Variants in RRM2B observed in about 807,000 individuals in gnomAD.
RRM2B encodes the protein ribonucleoside-diphosphate reductase subunit M2 B.
A neutral mutation model predicts 45.9 loss-of-function variants in RRM2B; 20 were observed. The observed-to-expected ratio is 0.44, with a 90% CI of 0.31 to 0.63. The LOEUF is 0.63. RRM2B is among the 30% of genes least tolerant of loss of function. The pLI, the probability that RRM2B is intolerant of heterozygous loss-of-function variation, is 0.09. For synonymous variants in RRM2B, 124 were observed against 132.3 expected (o/e 0.94, Z 0.43); for missense variants, 320 against 414.7 (o/e 0.77, Z 1.98).
At chr8:102,208,325 T>C (rs1388226561) in intron 8 of RRM2B, 40 bp from the exon 9 acceptor site, 1 of 1,379,838 alleles carries the variant, frequency 7.2e-7, no homozygotes, top group Non-Finnish European at 1.0e-6. Context: ...TCTGAAGAGA[T>C]CAAATTACAT....
At position 102,208,075 on chromosome 8, in the gene RRM2B, GA is replaced by G; in HGVS notation, c.*57del. ...TACTTAAAATTTTTTTTAAGCAGAG[GA>G]AAATAGACTACTATTTACCAATGAC... On this transcript the variant is annotated 3_prime_UTR_variant, in exon 9 of 9. Transcript: ENST00000251810. The G allele has an allele frequency of 2.0e-6, 3 of 1,484,764 alleles. No homozygotes were observed. Among genetic ancestry groups the G allele is most frequent in the African/African-American group, 1.4e-5 (1 of 71,376 alleles). The allele number at this position is 1,484,764 out of a possible 1,614,324, so 92.0% of individuals were successfully genotyped here. A position where few individuals can be genotyped will look rare whatever the true frequency, so the allele number is the denominator to read the frequency against.
chr8:102,215,160 T>C (rs1381035595), intron 6 of RRM2B, among the ~76,000 whole-genome samples: 4 of 148,026 alleles, frequency 2.7e-5, no homozygotes, highest in Admixed American at 6.8e-5. Flanking sequence ...ATGTCTGTAA[T>C]ACAGCACTTT....
In RRM2B at chr8:102,214,057, C is replaced by A. The variant is rs1810682433; in HGVS notation, c.786G>T (p.Glu262Asp). Reference sequence around the variant, plus strand: ...TTACACAAACTTCCCGGTTTACCTGCTCAATTTTGACAGCATCAACAATGA... The same window carrying A: ...TTACACAAACTTCCCGGTTTACCTGATCAATTTTGACAGCATCAACAATGA... ...REIIVDAVKI[E>D]QEFLTEALPV... is the part of the protein sequence containing the mutation. The change falls in exon 7 of 9, where the codon GAG (glutamate) becomes GAT (aspartate). Residue 262 changes from glutamate to aspartate, a missense_variant. Coordinates refer to ENST00000251810, the MANE Select transcript of RRM2B (RefSeq NM_015713.5). The A allele has an allele frequency of 5.0e-6, 8 of 1,606,732 alleles. No homozygotes were observed. Among genetic ancestry groups the A allele is most frequent in the Non-Finnish European group, 5.1e-6 (6 of 1,173,522 alleles).
In RRM2B at chr8:102,207,224, T is replaced by C. The variant is rs1587164844; in HGVS notation, c.*909A>G. On this transcript the variant is annotated 3_prime_UTR_variant, in exon 9 of 9. Transcript: ENST00000251810. ...CTAAAGAAGAATGAAGTGTTCAGCA[T>C]TTCCCAAACTCATCTGACCACAGAA... 6.6e-6 allele frequency: 1 copy of C among 152,234 alleles called. No individual in the cohort carries two copies. The highest frequency in any genetic ancestry group is 1.5e-5 in the Non-Finnish European group (1 of 68,044). The allele number at this position is 152,234 out of a possible 1,614,324, so 9.4% of individuals were successfully genotyped here.
At position 102,238,901 on chromosome 8, in the gene RRM2B, C is replaced by A. The variant is rs1811181688; in HGVS notation, c.-27G>T. On this transcript the variant is annotated 5_prime_UTR_variant, in exon 1 of 9. Transcript: ENST00000251810. Reference sequence around the variant, plus strand: ...GCGCAGACTCCGCCGAAGCTACGGGCGCTGAGGGAACTGAGCTCCTCAGGC... The same window carrying A: ...GCGCAGACTCCGCCGAAGCTACGGGAGCTGAGGGAACTGAGCTCCTCAGGC... 3 of 1,607,406 alleles carry A rather than the reference C, an allele frequency of 1.9e-6. No homozygotes were observed. The highest frequency in any genetic ancestry group is 1.1e-5 in the South Asian group (1 of 91,032).
intron 1 of RRM2B, chr8:102,238,471 C>G (rs1441677863): frequency 8.2e-7 from 1 of 1,215,810 alleles, no homozygotes; most frequent in Non-Finnish European, 1.1e-6. Context: ...AGTCCTCTTT[C>G]CTTGCCTCGG....
intron 8 of RRM2B, among the ~76,000 whole-genome samples, chr8:102,211,769 T>C (rs901246176): frequency 6.6e-6 from 1 of 152,200 alleles, no homozygotes. Context: ...CATTAATTAG[T>C]AAACACAGAG....
chr8:102,223,652 C>T (rs911526611), intron 5 of RRM2B, among the ~76,000 whole-genome samples: 1 of 146,496 alleles, frequency 6.8e-6, no homozygotes, highest in Non-Finnish European at 1.5e-5. Context: ...GCCAGGATCA[C>T]GCCACCACAC....
Position 102,207,957 on chromosome 8 carries a change from CTTG to C in RRM2B, c.*173_*175del. The C allele has an allele frequency of 2.1e-5, 12 of 576,882 alleles. No individual in the cohort carries two copies. In the South Asian group the frequency reaches 2.5e-4, roughly 12 times the overall value. 35.7% of individuals were successfully genotyped at this position (576,882 alleles called of 1,614,324 possible). A position where few individuals can be genotyped will look rare whatever the true frequency, so the allele number is the denominator to read the frequency against. Reference sequence around the variant, plus strand: ...AAGACAAAAGCATTTAGGTCACACTCTTGTTGTTAAACAGGAAAATTATATAAA... The same window carrying C: ...AAGACAAAAGCATTTAGGTCACACTCTTGTTAAACAGGAAAATTATATAAA... On this transcript the variant is annotated 3_prime_UTR_variant, in exon 9 of 9. Coordinates refer to ENST00000251810, the MANE Select transcript of RRM2B (RefSeq NM_015713.5).
At chr8:102,231,289 T>G (rs1485519320) in intron 2 of RRM2B, among the ~76,000 whole-genome samples, 1 of 152,196 alleles carries the variant, frequency 6.6e-6, no homozygotes, top group African/African-American at 2.4e-5. Context: ...GCTGATCTAT[T>G]AGTGGCAACT....
rs993731268 is a variant in RRM2B at position 102,205,703 on chromosome 8, CTT to C, written c.*2428_*2429del. The stretch of plus-strand genomic sequence containing the variant: ...AAGAGAAAACAGTTGTAAACACACT[CTT>C]AATTTTTTTCTTTATCTGCAAGATA... On this transcript the variant is annotated 3_prime_UTR_variant, in exon 9 of 9. Coordinates refer to ENST00000251810, the MANE Select transcript of RRM2B (RefSeq NM_015713.5). 6.6e-5 allele frequency: 10 copies of C among 152,236 alleles called. No individual in the cohort carries two copies. Among genetic ancestry groups the C allele is most frequent in the East Asian group, 5.8e-4 (3 of 5,192 alleles). 9.4% of individuals were successfully genotyped at this position (152,236 alleles called of 1,614,324 possible). A position where few individuals can be genotyped will look rare whatever the true frequency, so the allele number is the denominator to read the frequency against.
rs746455892 is a variant in RRM2B at position 102,218,937 on chromosome 8, C to G, written c.561G>C (p.Val187=). The G allele has an allele frequency of 1.2e-6, 2 of 1,613,370 alleles. No homozygotes were observed. The highest frequency in any genetic ancestry group is 2.2e-5 in the South Asian group (2 of 91,072). The change falls in exon 6 of 9, where the codon GTG becomes GTC. Residue 187 remains valine (V), a synonymous_variant. Transcript: ENST00000251810. ...CTCCTTCTACAGCAGCAAAGGCCAC[C>G]ACTCTTTCCCCTGGGAGACATAAAA... is the stretch of plus-strand genomic sequence containing the variant. The part of the protein sequence containing the change: ...ADRKSTFGER[V]VAFAAVEGVF...
rs931027732 is a variant in RRM2B at position 102,205,152 on chromosome 8, G to C, written c.*2981C>G. 2.6e-5 allele frequency: 4 copies of C among 152,100 alleles called. No individual in the cohort carries two copies. Among genetic ancestry groups the C allele is most frequent in the African/African-American group, 9.7e-5 (4 of 41,440 alleles). 9.4% of individuals were successfully genotyped at this position (152,100 alleles called of 1,614,324 possible). The stretch of plus-strand genomic sequence containing the variant: ...TAATACCTGATTGTAGGATTAATTT[G>C]GCTTTTATTTAGCCCATCTGCAGCT... On this transcript the variant is annotated 3_prime_UTR_variant, in exon 9 of 9. Coordinates refer to ENST00000251810, the MANE Select transcript of RRM2B (RefSeq NM_015713.5).
At position 102,207,961 on chromosome 8, in the gene RRM2B, T is replaced by C. The variant is rs1055235642; in HGVS notation, c.*172A>G. 7 of 583,648 alleles carry C rather than the reference T, an allele frequency of 1.2e-5. No individual in the cohort carries two copies. Among genetic ancestry groups the C allele is most frequent in the Non-Finnish European group, 2.1e-5 (7 of 331,354 alleles). 36.2% of individuals were successfully genotyped at this position (583,648 alleles called of 1,614,324 possible). A position where few individuals can be genotyped will look rare whatever the true frequency, so the allele number is the denominator to read the frequency against. On this transcript the variant is annotated 3_prime_UTR_variant, in exon 9 of 9. Transcript: ENST00000251810. ...CAAAAGCATTTAGGTCACACTCTTG[T>C]TGTTAAACAGGAAAATTATATAAAT...
chr8:102,234,426 G>C (rs1356364411), intron 1 of RRM2B, among the ~76,000 whole-genome samples: 1 of 152,178 alleles, frequency 6.6e-6, no homozygotes, highest in East Asian at 1.9e-4. Context: ...ATAATGCTTA[G>C]AAACGTGCAC....
chr8:102,215,326 C>T (rs1810710772), intron 6 of RRM2B, among the ~76,000 whole-genome samples: 1 of 151,798 alleles, frequency 6.6e-6, no homozygotes, highest in African/African-American at 2.4e-5. Context: ...AGGAAGATTG[C>T]TTGAACCTGG....
At chr8:102,208,639 T>C (rs1428091894) in intron 8 of RRM2B, among the ~76,000 whole-genome samples, 1 of 152,222 alleles carries the variant, frequency 6.6e-6, no homozygotes, top group Non-Finnish European at 1.5e-5. Context: ...ATATTACTAT[T>C]AGTCAGACAT....
At chr8:102,229,733 T>G (rs1699754690) in intron 2 of RRM2B, among the ~76,000 whole-genome samples, 1 of 152,058 alleles carries the variant, frequency 6.6e-6, no homozygotes, top group Non-Finnish European at 1.5e-5. Context: ...TACAGGCACC[T>G]GCTGCCACGC....
intron 5 of RRM2B, 141 bp downstream of exon 5, chr8:102,223,905 G>C: frequency 4.1e-6 from 3 of 730,498 alleles, no homozygotes; most frequent in Non-Finnish European, 5.0e-6. Flanking sequence ...TAGGAATAAT[G>C]ATTTTGGTAA....
Sources: allele counts gnomAD v4.1 joint callset (sites outside exome capture counted in the v4.1 genomes callset), GRCh38; gene constraint gnomAD v4.1.1; transcripts MANE v1.5; gene names NCBI Gene and HGNC (gene_info 2026-07-23, HGNC 2026-07-21).